The following CATSPERB variants were observed in gnomAD, a reference collection of about 807,000 sequenced individuals.
The protein encoded by CATSPERB is cation channel sperm-associated auxiliary subunit beta.
Under a neutral mutation model 128.3 loss-of-function variants are expected in CATSPERB, and 93 were observed. The ratio of observed to expected loss-of-function variants is 0.72; its 90% confidence interval spans 0.61 to 0.86. The LOEUF is 0.86. Ranked by LOEUF, CATSPERB falls within the 40% of genes least tolerant of loss-of-function variation. CATSPERB has a pLI of 0.00. For synonymous variants in CATSPERB, 381 were observed against 448.8 expected, an observed-to-expected ratio of 0.85 and a Z score of 1.91; for missense variants, 1,153 against 1,329.5, an observed-to-expected ratio of 0.87 and a Z score of 2.06.
chr14:91,725,798 C>G (rs946864982), intron 2 of CATSPERB, among the ~76,000 whole-genome samples: 2 of 152,156 alleles, frequency 1.3e-5, no homozygotes, highest in Non-Finnish European at 2.9e-5. Flanking sequence ...CATCCTCAAG[C>G]CTGGAAACCC....
chr14:91,704,711 T>A lies in CATSPERB; in HGVS notation c.467-10A>T. 1 of 1,608,250 alleles carries A rather than the reference T, an allele frequency of 6.2e-7. No homozygotes were observed. The highest frequency in any genetic ancestry group is 8.5e-7 in the Non-Finnish European group (1 of 1,177,874). On this transcript the variant is annotated splice_polypyrimidine_tract_variant and intron_variant, in intron 6 of 26. Coordinates refer to ENST00000256343, the MANE Select transcript of CATSPERB (RefSeq NM_024764.4). ...CACTGAAGAATCGGTTCTGTGGAAA[T>A]CAAATTTGGGTGTTTAAATTGTGGG... is the stretch of plus-strand genomic sequence containing the variant.
chr14:91,606,652 C>T (rs1313190633), intron 22 of CATSPERB, among the ~76,000 whole-genome samples: 1 of 152,198 alleles, frequency 6.6e-6, no homozygotes, highest in Non-Finnish European at 1.5e-5. Context: ...CTCGATGACG[C>T]TATTTAATTT....
Position 91,617,678 on chromosome 14 carries a change from C to T in CATSPERB, c.2319G>A (p.Leu773=). ...LTVFVGNPNL[L]EVTAEVTFDD... ...CAAAAGTCACTTCAGCTGTAACTTCCAACAAATTAGGGTTTCCAACAAACA... is the reference window on the plus strand; with the variant it reads ...CAAAAGTCACTTCAGCTGTAACTTCTAACAAATTAGGGTTTCCAACAAACA... The change falls in exon 20 of 27, where the codon TTG becomes TTA. Residue 773 remains leucine (L), a synonymous_variant. Coordinates refer to ENST00000256343, the MANE Select transcript of CATSPERB (RefSeq NM_024764.4). 1.2e-6 allele frequency: 2 copies of T among 1,600,326 alleles called. No homozygotes were observed. Among genetic ancestry groups the T allele is most frequent in the Non-Finnish European group, 1.7e-6 (2 of 1,175,150 alleles).
rs537693201 is a variant in CATSPERB at position 91,646,803 on chromosome 14, G to A, written c.1433-7553C>T. Among the ~76,000 whole-genome samples the A allele has an allele frequency of 1.3e-4, 20 of 152,316 alleles. No homozygotes were observed. The East Asian group carries it at 1.9e-3, about 15-fold the overall frequency. ...AATAGAGGCAGTGGTAGATGACATA[G>A]CAAAAGCTTTTGGTGTGTTATTAGA... On this transcript the variant is annotated intron_variant, in intron 15 of 26. Transcript: ENST00000256343.
intron 10 of CATSPERB, among the ~76,000 whole-genome samples, chr14:91,686,362 A>C (rs577641514): frequency 2.6e-4 from 39 of 152,326 alleles, no homozygotes; most frequent in Non-Finnish European, 4.6e-4. Context: ...TATTTGTTGA[A>C]TGGATGAGAC....
At chr14:91,647,636 AG>A (rs1482113185) in intron 15 of CATSPERB, among the ~76,000 whole-genome samples, 1 of 152,148 alleles carries the variant, frequency 6.6e-6, no homozygotes, top group East Asian at 1.9e-4. Context: ...CAGGCAAGAG[AG>A]CTTATGCAGG....
intron 5 of CATSPERB, among the ~76,000 whole-genome samples, chr14:91,713,950 C>T (rs1299096442): frequency 2.0e-5 from 3 of 152,128 alleles, no homozygotes; most frequent in African/African-American, 7.2e-5. Flanking sequence ...TAAGATAATA[C>T]ATCATGACCA....
chr14:91,634,148 G>T (rs1894326313), intron 17 of CATSPERB, among the ~76,000 whole-genome samples: 1 of 152,036 alleles, frequency 6.6e-6, no homozygotes, highest in Admixed American at 6.6e-5. Flanking sequence ...CACATATTTT[G>T]TATGTTATAT....
chr14:91,635,744 C>G (rs1894362209), intron 17 of CATSPERB: 1 of 152,118 alleles, frequency 6.6e-6, no homozygotes, highest in African/African-American at 2.4e-5. Context: ...TCTGAGAATT[C>G]TGTATATTGT....
At position 91,704,564 on chromosome 14, in the gene CATSPERB, T is replaced by C. The variant is rs755076243; in HGVS notation, c.604A>G (p.Thr202Ala). The C allele has an allele frequency of 5.6e-6, 9 of 1,613,040 alleles. No individual in the cohort carries two copies. In the South Asian group the frequency reaches 7.7e-5, roughly 14 times the overall value. ...GCTGTAGACCTACCATCAACTATTG[T>C]ATCCACAATGAAGCCTAGTAATGCC... ...DVALLGFIVD[T>A]IVDGVYIGIT... Residue 202 changes from threonine (T) to alanine (A), a missense_variant, in exon 7 of 27, where the codon ACA becomes GCA. Thr to Ala is a moderately conservative substitution (Grantham distance 58). Transcript: ENST00000256343.
At chr14:91,701,851 T>C (rs1895655974) in intron 7 of CATSPERB, among the ~76,000 whole-genome samples, 1 of 150,802 alleles carries the variant, frequency 6.6e-6, no homozygotes, top group East Asian at 2.0e-4. Flanking sequence ...TTTGAGGCTG[T>C]AGTGAGCCAT....
chr14:91,701,089 T>A (rs972258418), intron 7 of CATSPERB, among the ~76,000 whole-genome samples: 1 of 152,136 alleles, frequency 6.6e-6, no homozygotes, highest in Admixed American at 6.5e-5. Flanking sequence ...ATCATCCATA[T>A]GGATGGTGAA....
chr14:91,691,650 T>A lies in CATSPERB; in HGVS notation c.832-95A>T, dbSNP rs181862571. 2,965 of 969,204 alleles carry A rather than the reference T, an allele frequency of 3.1e-3. 14 individuals are homozygous for A. Among genetic ancestry groups the A allele is most frequent in the Non-Finnish European group, 2.7e-3 (1,749 of 647,036 alleles). The allele number at this position is 969,204 out of a possible 1,614,324, so 60.0% of individuals were successfully genotyped here. ...ATTATACTAAAGGAAATAAACCATA[T>A]AAATTCGTTGAAACAAAATTATAAC... is the stretch of plus-strand genomic sequence containing the variant. On this transcript the variant is annotated intron_variant, in intron 9 of 26. Transcript: ENST00000256343.
intron 10 of CATSPERB, among the ~76,000 whole-genome samples, chr14:91,684,792 A>G (rs1326191394): frequency 2.7e-5 from 4 of 150,538 alleles, no homozygotes; most frequent in Non-Finnish European, 4.4e-5. Context: ...TTTTTTTTGT[A>G]TTTTAGTAGA....
intron 22 of CATSPERB, among the ~76,000 whole-genome samples, chr14:91,597,053 A>ATT (rs542312618): frequency 1.3e-4 from 19 of 144,924 alleles, no homozygotes; most frequent in Non-Finnish European, 1.7e-4. Context: ...CGCCCAGCTA[A>ATT]TTTTTTTTTT....
At chr14:91,684,746 C>A (rs1194176317) in intron 10 of CATSPERB, among the ~76,000 whole-genome samples, 2 of 151,626 alleles carry the variant, frequency 1.3e-5, no homozygotes, top group East Asian at 3.9e-4. Context: ...TCCTGAGTAG[C>A]TGGGATTATA....
At chr14:91,681,639 C>A (rs1327809311) in intron 11 of CATSPERB, among the ~76,000 whole-genome samples, 1 of 152,222 alleles carries the variant, frequency 6.6e-6, no homozygotes, top group African/African-American at 2.4e-5. Context: ...AACCATGCAT[C>A]AGTTTTCTGC....
chr14:91,581,597 T>C (rs934376660), intron 26 of CATSPERB, among the ~76,000 whole-genome samples: 3 of 152,264 alleles, frequency 2.0e-5, no homozygotes, highest in Non-Finnish European at 2.9e-5. Context: ...ATCCTCTTTG[T>C]AGGTGCTGCC....
intron 6 of CATSPERB, among the ~76,000 whole-genome samples, chr14:91,706,864 T>C (rs1006085151): frequency 6.6e-6 from 1 of 152,080 alleles, no homozygotes; most frequent in Non-Finnish European, 1.5e-5. Flanking sequence ...ACTTTCAAAA[T>C]CTATTCTGAA....
Sources: allele counts gnomAD v4.1 joint callset (sites outside exome capture counted in the v4.1 genomes callset), GRCh38; gene constraint gnomAD v4.1.1; transcripts MANE v1.5; gene names NCBI Gene and HGNC (gene_info 2026-07-23, HGNC 2026-07-21).